PKD1L1: variants seen among roughly 807,000 people sequenced by gnomAD.
PKD1L1 encodes the protein polycystin-1-like protein 1.
A neutral mutation model predicts 323.4 loss-of-function variants in PKD1L1; 236 were observed. That is an observed-to-expected ratio of 0.73 (90% CI 0.66 to 0.81). The LOEUF is 0.81. Among genes scored for constraint, PKD1L1 ranks in the 40% least tolerant of loss-of-function variants. The pLI is 0.00. For missense variants in PKD1L1, 3,320 were observed against 3,508.0 expected (o/e 0.95, Z 1.35); for synonymous variants, 1,344 against 1,335.0 (o/e 1.01, Z -0.15).
Position 47,839,421 on chromosome 7 carries a change from GA to G in PKD1L1, c.5769+24del. 1 of 1,579,838 alleles carries G rather than the reference GA, an allele frequency of 6.3e-7. No individual in the cohort carries two copies. The highest frequency in any genetic ancestry group is 8.6e-7 in the Non-Finnish European group (1 of 1,158,584). On this transcript the variant is annotated intron_variant, in intron 36 of 56. Coordinates refer to ENST00000289672, the MANE Select transcript of PKD1L1 (RefSeq NM_138295.5). This position sits in a 1 kb window ranked among gnomAD's most constrained non-coding sequence, Gnocchi z 4.3. ...TCTGCCGGTCAGCCAGGTGCGCCAC[GA>G]GAGGCCACCTGGAGGGAGCCTACCT... is the stretch of plus-strand genomic sequence containing the variant.
chr7:47,880,282 ATAT>A (rs1264458316), intron 21 of PKD1L1, among the ~76,000 whole-genome samples: 1 of 69,742 alleles, frequency 1.4e-5, no homozygotes, highest in Non-Finnish European at 2.5e-5. Flanking sequence ...ATATATATAT[ATAT>A]TTTTTTTTTT....
upstream of PKD1L1, among the ~76,000 whole-genome samples, chr7:47,951,755 T>G (rs542424324): frequency 6.6e-6 from 1 of 152,308 alleles, no homozygotes; most frequent in Non-Finnish European, 1.5e-5. Context: ...CATTTGCAAC[T>G]CAGGCAAGTG....
chr7:47,817,559 C>T (rs1366049600), intron 46 of PKD1L1, among the ~76,000 whole-genome samples: 5 of 152,168 alleles, frequency 3.3e-5, no homozygotes, highest in Non-Finnish European at 5.9e-5. Flanking sequence ...TCTGTATATA[C>T]TATAAATGTG....
At chr7:47,867,023 C>G (rs2128744139) in intron 24 of PKD1L1, among the ~76,000 whole-genome samples, 1 of 152,230 alleles carries the variant, frequency 6.6e-6, no homozygotes, top group South Asian at 2.1e-4. Context: ...AAAGATAACA[C>G]AGTATTGTGA....
chr7:47,883,226 T>C (rs1029335685), intron 19 of PKD1L1, among the ~76,000 whole-genome samples: 1 of 152,208 alleles, frequency 6.6e-6, no homozygotes, highest in Non-Finnish European at 1.5e-5. Context: ...AAAAGCGTTC[T>C]GGCTAAGGAG....
intron 33 of PKD1L1, 118 bp from the exon 34 acceptor site, chr7:47,843,287 C>G: frequency 1.3e-6 from 1 of 757,462 alleles, no homozygotes; most frequent in Non-Finnish European, 2.1e-6. Context: ...TTCACTGATA[C>G]ATTTTTACAC....
At position 47,916,042 on chromosome 7, in the gene PKD1L1, G is replaced by A. The variant is rs373048263; in HGVS notation, c.1061-443C>T. Among the ~76,000 whole-genome samples, 23 of 152,242 alleles carry A rather than the reference G, an allele frequency of 1.5e-4. 1 individual carries two copies. The East Asian group carries it at 1.7e-3, about 11-fold the overall frequency. On this transcript the variant is annotated intron_variant, in intron 7 of 56. Transcript: ENST00000289672. ...TCTCCAAAATAGAATATATATTTCCGATGCTATTCAAACTGTTTCAGGACA... is the reference window on the plus strand; with the variant it reads ...TCTCCAAAATAGAATATATATTTCCAATGCTATTCAAACTGTTTCAGGACA...
chr7:47,941,205 T>C (rs1209848305), intron 2 of PKD1L1, among the ~76,000 whole-genome samples: 3 of 152,262 alleles, frequency 2.0e-5, no homozygotes, highest in South Asian at 2.1e-4. Context: ...CCCTGCTGCT[T>C]TTCTGTCAGA....
rs1301149704 is a variant in PKD1L1, at chr7:47,829,474, G to C, written c.6686C>G (p.Pro2229Arg). The change falls in exon 44 of 57, where the codon CCC becomes CGC. Residue 2229 changes from proline (P) to arginine (R), a missense_variant. Physicochemically the swap from Pro to Arg is moderately radical, Grantham distance 103. Coordinates refer to ENST00000289672, the MANE Select transcript of PKD1L1 (RefSeq NM_138295.5). ...ELAERSWTRL[P>R]FSSSCSIPDC... is the part of the protein sequence containing the mutation. ...AGGAATACTGCAGCTTGAAGAGAAG[G>C]GGAGGCGAGTCCAGGAACGTTCTGC... 6.2e-7 allele frequency: 1 copy of C among 1,613,992 alleles called. No individual in the cohort carries two copies. Among genetic ancestry groups the C allele is most frequent in the African/African-American group, 1.3e-5 (1 of 74,894 alleles).
Position 47,905,901 on chromosome 7 carries a change from C to T in PKD1L1, c.1464G>A (p.Gln488=). Reference sequence around the variant, plus strand: ...AAGCCTGGCTGTCACCCACTTGAGTCTGAGAAATAAAGGACACGTTATATG... The same window carrying T: ...AAGCCTGGCTGTCACCCACTTGAGTTTGAGAAATAAAGGACACGTTATATG... ...IPSYNVSFIS[Q]TQVGDSQAWH... The change falls in exon 10 of 57, where the codon CAG becomes CAA. Residue 488 remains glutamine (Q), a synonymous_variant. Transcript: ENST00000289672. 6.2e-7 allele frequency: 1 copy of T among 1,613,642 alleles called. No homozygotes were observed.
intron 3 of PKD1L1, among the ~76,000 whole-genome samples, chr7:47,937,254 GGGGGT>G (rs1454084331): frequency 6.1e-5 from 6 of 98,434 alleles, no homozygotes; most frequent in African/African-American, 2.4e-4. Flanking sequence ...GGGACGGGGT[GGGGGT>G]GGGGGGGGGG....
chr7:47,812,107 T>A (rs1353199495), intron 49 of PKD1L1, 56 bp from the exon 50 acceptor site: 13 of 1,420,176 alleles, frequency 9.2e-6, no homozygotes, highest in African/African-American at 2.8e-5. Flanking sequence ...CACAGAAGTC[T>A]ACTGAGGCTC....
intron 2 of PKD1L1, 88 bp from the exon 3 acceptor site, chr7:47,940,405 C>T (rs751655977): frequency 6.9e-6 from 10 of 1,457,270 alleles, no homozygotes; most frequent in Middle Eastern, 1.8e-4. Flanking sequence ...CTAAGTTATA[C>T]ATAAGGTCAA....
chr7:47,903,714 A>G (rs1243936002), intron 12 of PKD1L1, among the ~76,000 whole-genome samples: 1 of 152,112 alleles, frequency 6.6e-6, no homozygotes, highest in Non-Finnish European at 1.5e-5. Context: ...AGCAGCATAA[A>G]GTTTTGATGC....
chr7:47,930,055 C>A lies in PKD1L1; in HGVS notation c.738-529G>T, dbSNP rs142193599. Among the ~76,000 whole-genome samples the A allele has an allele frequency of 1.8e-4, 27 of 152,292 alleles. 1 individual carries two copies. In the East Asian group the frequency reaches 3.1e-3, roughly 17 times the overall value. On this transcript the variant is annotated intron_variant, in intron 6 of 56. Coordinates refer to ENST00000289672, the MANE Select transcript of PKD1L1 (RefSeq NM_138295.5). The stretch of plus-strand genomic sequence containing the variant: ...ACTCAAGTCTCAGCTTCCAATCACA[C>A]AGGACTTTCAAGATCATTTATGTGT...
At chr7:47,874,470 T>C (rs1786357482) in intron 23 of PKD1L1, among the ~76,000 whole-genome samples, 1 of 152,154 alleles carries the variant, frequency 6.6e-6, no homozygotes, top group Admixed American at 6.5e-5. Flanking sequence ...TGTATCTTTA[T>C]AACAACATTT....
At chr7:47,844,302 T>A (rs118103315) in intron 33 of PKD1L1, among the ~76,000 whole-genome samples, 17,053 of 152,042 alleles carry the variant, frequency 0.11, 1,347 homozygotes, top group Middle Eastern at 0.18. Flanking sequence ...GATGAAATAA[T>A]AAAGTAAGGT....
chr7:47,840,474 T>A lies in PKD1L1; in HGVS notation c.5539A>T (p.Thr1847Ser). 1.2e-6 allele frequency: 2 copies of A among 1,613,262 alleles called. No individual in the cohort carries two copies. The highest frequency in any genetic ancestry group is 1.7e-6 in the Non-Finnish European group (2 of 1,179,234). ...KPLFERNSRH[T>S]FILSAPAQLG... ...ATTTTGGAATACCTCAGGATAAAGG[T>A]GTGTCTGGAATTCCTTTCAAACAGG... The change falls in exon 35 of 57, where the codon ACC becomes TCC. Residue 1847 changes from threonine to serine, a missense_variant. By Grantham distance (58) the Thr-to-Ser change is moderately conservative. Coordinates refer to ENST00000289672, the MANE Select transcript of PKD1L1 (RefSeq NM_138295.5). This position sits in a 1 kb window ranked among gnomAD's most constrained non-coding sequence, Gnocchi z 4.1.
At chr7:47,854,830 A>G (rs1325945199) in intron 30 of PKD1L1, 52 bp downstream of exon 30, 2 of 1,570,490 alleles carry the variant, frequency 1.3e-6, no homozygotes, top group East Asian at 4.5e-5. Flanking sequence ...AAACATTCTT[A>G]AGGACAATAT....
Sources: allele counts gnomAD v4.1 joint callset (sites outside exome capture counted in the v4.1 genomes callset), GRCh38; gene constraint gnomAD v4.1.1; non-coding constraint Gnocchi (gnomAD v3.1); transcripts MANE v1.5; gene names NCBI Gene and HGNC (gene_info 2026-07-23, HGNC 2026-07-21).